The following RBFOX3 variants were observed in gnomAD, a reference collection of about 807,000 sequenced individuals.
The protein encoded by RBFOX3 is RNA binding protein fox-1 homolog 3.
In RBFOX3, 17 loss-of-function variants were observed where a neutral mutation model predicts 48.7. The ratio of observed to expected loss-of-function variants is 0.35; its 90% CI spans 0.24 to 0.52. The LOEUF is 0.52. RBFOX3 is among the 20% of genes least tolerant of loss of function. The pLI is 0.94. For missense variants in RBFOX3, 382 were observed against 497.5 expected, an observed-to-expected ratio of 0.77 and a Z score of 2.21; for synonymous variants, 212 against 209.5, an observed-to-expected ratio of 1.01 and a Z score of -0.10.
At chr17:79,430,887 A>G (rs1207335618) in intron 2 of RBFOX3, among the ~76,000 whole-genome samples, 7 of 152,324 alleles carry the variant, frequency 4.6e-5, no homozygotes, top group Admixed American at 3.9e-4. Flanking sequence ...AAAGACTGTC[A>G]TAAGATCACT....
chr17:79,166,687 C>T (rs1450343468), intron 4 of RBFOX3, among the ~76,000 whole-genome samples: 3 of 152,088 alleles, frequency 2.0e-5, no homozygotes, highest in Admixed American at 6.5e-5. Flanking sequence ...GGGAAGCCCC[C>T]AGGCCACTCA....
the RBFOX3 span, among the ~76,000 whole-genome samples, chr17:79,620,368 CGG>C: frequency 6.7e-6 from 1 of 149,074 alleles, no homozygotes; most frequent in African/African-American, 2.5e-5. Flanking sequence ...TGGACACACA[CGG>C]ACATACACAC....
chr17:79,280,211 A>T (rs1233716345), intron 3 of RBFOX3, among the ~76,000 whole-genome samples: 4 of 141,792 alleles, frequency 2.8e-5, no homozygotes, highest in Non-Finnish European at 6.0e-5. Context: ...CCACACACTC[A>T]CAAACATGCA....
chr17:79,227,802 G>T (rs1304765343), intron 4 of RBFOX3, among the ~76,000 whole-genome samples: 3 of 152,192 alleles, frequency 2.0e-5, no homozygotes, highest in African/African-American at 7.2e-5. Context: ...CCTCTGTGTT[G>T]GTTTTTCCTT....
chr17:79,145,797 G>A (rs1451137782), intron 4 of RBFOX3, among the ~76,000 whole-genome samples: 1 of 152,222 alleles, frequency 6.6e-6, no homozygotes, highest in Non-Finnish European at 1.5e-5. Context: ...TCTCAGCCGG[G>A]CGACGGTGCC....
chr17:79,428,762 A>T (rs2148853512), intron 2 of RBFOX3, among the ~76,000 whole-genome samples: 1 of 152,308 alleles, frequency 6.6e-6, no homozygotes, highest in South Asian at 2.1e-4. Context: ...AGGGTAGGTG[A>T]CACTCCCTGC....
rs572509595 is a variant in RBFOX3, at chr17:79,220,626, A to G, written c.-34+15140T>C. 1.4e-4 allele frequency among the ~76,000 whole-genome samples: 22 copies of G among 152,070 alleles called. No individual in the cohort carries two copies. The South Asian group carries it at 4.6e-3, about 32-fold the overall frequency. On this transcript the variant is annotated intron_variant, in intron 4 of 14. Transcript: ENST00000693108. This position sits in a 1 kb window ranked among gnomAD's most constrained non-coding sequence, Gnocchi z 5.9. ...GTGTGTGTGTGTGTGTCGGGGGGAC[A>G]CAAAACCTTCCAGCCTAGCAGATCT...
intron 2 of RBFOX3, among the ~76,000 whole-genome samples, chr17:79,462,563 A>C (rs1432427348): frequency 6.6e-6 from 1 of 152,176 alleles, no homozygotes; most frequent in African/African-American, 2.4e-5. Flanking sequence ...GCCTGGAGAC[A>C]TTATTGGTTG....
rs1168244095 is a variant in RBFOX3 at position 79,195,510 on chromosome 17, C to T, written c.-34+40256G>A. Reference sequence around the variant, plus strand: ...TGGGCAGGAAGCCTGCCCTGATCTCCCCATCCCAAAACACAGACACCCAGC... The same window carrying T: ...TGGGCAGGAAGCCTGCCCTGATCTCTCCATCCCAAAACACAGACACCCAGC... On this transcript the variant is annotated intron_variant, in intron 4 of 14. Coordinates refer to ENST00000693108, the MANE Select transcript of RBFOX3 (RefSeq NM_001350451.2). This position sits in a 1 kb window ranked among gnomAD's most constrained non-coding sequence, Gnocchi z 5.3. Among the ~76,000 whole-genome samples, 1 of 152,200 alleles carries T rather than the reference C, an allele frequency of 6.6e-6. No homozygotes were observed. Among genetic ancestry groups the T allele is most frequent in the Non-Finnish European group, 1.5e-5 (1 of 68,036 alleles).
At chr17:79,209,753 G>A (rs544697315) in intron 4 of RBFOX3, among the ~76,000 whole-genome samples, 2 of 152,318 alleles carry the variant, frequency 1.3e-5, no homozygotes, top group South Asian at 4.1e-4. Flanking sequence ...CAGCACTTTG[G>A]GAGGCGGAGG....
intron 1 of RBFOX3, among the ~76,000 whole-genome samples, chr17:79,568,239 C>T (rs1460252135): frequency 6.6e-6 from 1 of 152,198 alleles, no homozygotes; most frequent in Non-Finnish European, 1.5e-5. Flanking sequence ...GCTGTAAACT[C>T]AGTACCGATA....
intron 2 of RBFOX3, among the ~76,000 whole-genome samples, chr17:79,379,671 T>C (rs1232371994): frequency 6.6e-6 from 1 of 152,166 alleles, no homozygotes; most frequent in Non-Finnish European, 1.5e-5. Context: ...TACACTGCGC[T>C]TGTGGTGAGG....
the RBFOX3 span, among the ~76,000 whole-genome samples, chr17:79,625,868 C>CG: frequency 4.6e-5 from 7 of 152,172 alleles, no homozygotes; most frequent in African/African-American, 1.4e-4. Context: ...CGTGCGCAGA[C>CG]GGGGGTGGCT....
At chr17:79,126,122 C>G (rs1301228278) in intron 4 of RBFOX3, among the ~76,000 whole-genome samples, 1 of 152,250 alleles carries the variant, frequency 6.6e-6, no homozygotes, top group Non-Finnish European at 1.5e-5. Context: ...ACCCCCTCCC[C>G]ACGATCTGGG....
intron 4 of RBFOX3, among the ~76,000 whole-genome samples, chr17:79,133,823 C>A (rs898534664): frequency 6.6e-6 from 1 of 152,208 alleles, no homozygotes; most frequent in Non-Finnish European, 1.5e-5. Context: ...GACAACGCAA[C>A]AGGTCAGCTG....
At chr17:79,611,183 T>TTCTCTCTCTCTCTCTCTCTCTC (rs1196349028), upstream of RBFOX3, among the ~76,000 whole-genome samples, 69 of 41,482 alleles carry the variant, frequency 1.7e-3, 6 homozygotes, top group African/African-American at 0.015. Flanking sequence ...TCCGCCCTCC[T>TTCTCTCTCTCTCTCTCTCTCTC]TCTCTCTCTC....
At chr17:79,539,682 T>C (rs182154880) in intron 1 of RBFOX3, among the ~76,000 whole-genome samples, 15 of 152,328 alleles carry the variant, frequency 9.8e-5, no homozygotes, top group Admixed American at 2.0e-4. Context: ...TCCCAGACTA[T>C]TCATTTCACT....
In RBFOX3 at chr17:79,535,203, C is replaced by G. The variant is rs1390325232; in HGVS notation, c.-319-52605G>C. Among the ~76,000 whole-genome samples the G allele has an allele frequency of 1.3e-5, 2 of 152,188 alleles. No homozygotes were observed. Among genetic ancestry groups the G allele is most frequent in the Non-Finnish European group, 2.9e-5 (2 of 68,032 alleles). Reference sequence around the variant, plus strand: ...CTGCTACCCTCAATGTAGGCCTCCCCCTTGGGCTAGAAGCAGCAGCTCCAC... The same window carrying G: ...CTGCTACCCTCAATGTAGGCCTCCCGCTTGGGCTAGAAGCAGCAGCTCCAC... On this transcript the variant is annotated intron_variant, in intron 1 of 14. Transcript: ENST00000693108. This position sits in a 1 kb window ranked among gnomAD's most constrained non-coding sequence, Gnocchi z 4.5.
At chr17:79,380,549 A>T (rs1324619847) in intron 2 of RBFOX3, among the ~76,000 whole-genome samples, 1 of 152,168 alleles carries the variant, frequency 6.6e-6, no homozygotes, top group Non-Finnish European at 1.5e-5. Flanking sequence ...CCTTTCCTAG[A>T]TGCTGAGCCA....
Sources: allele counts gnomAD v4.1 joint callset (sites outside exome capture counted in the v4.1 genomes callset), GRCh38; gene constraint gnomAD v4.1.1; non-coding constraint Gnocchi (gnomAD v3.1); transcripts MANE v1.5; gene names NCBI Gene and HGNC (gene_info 2026-07-23, HGNC 2026-07-21).